ELFN2: variants seen among roughly 807,000 people sequenced by gnomAD.
ELFN2 encodes the protein protein phosphatase 1 regulatory subunit 29.
ELFN2 carries 17 observed loss-of-function variants against 45.5 expected under a neutral mutation model. That is an observed-to-expected ratio of 0.37 (90% CI 0.26 to 0.56). ELFN2 has a LOEUF of 0.56. Among genes scored for constraint, ELFN2 ranks in the 20% least tolerant of loss-of-function variants. The pLI, the probability that ELFN2 is intolerant of heterozygous loss-of-function variation, is 0.77. For missense variants in ELFN2, 922 were observed against 1,183.2 expected (o/e 0.78, Z 3.24); for synonymous variants, 550 against 551.5 (o/e 1.00, Z 0.04).
intron 2 of ELFN2, among the ~76,000 whole-genome samples, chr22:37,382,269 C>T (rs910821307): frequency 6.7e-6 from 1 of 149,706 alleles, no homozygotes; most frequent in African/African-American, 2.5e-5. Flanking sequence ...GGGCTCTCAG[C>T]GCCCACCTAA....
intron 2 of ELFN2, among the ~76,000 whole-genome samples, chr22:37,408,702 C>G (rs745639340): frequency 2.3e-4 from 35 of 152,194 alleles, no homozygotes; most frequent in Non-Finnish European, 4.4e-4. Flanking sequence ...GCAAGGCAGT[C>G]AGGTTCAGAT....
chr22:37,360,749 G>A (rs1931065137), intron 1 of ELFN2, among the ~76,000 whole-genome samples: 1 of 152,200 alleles, frequency 6.6e-6, no homozygotes, highest in Non-Finnish European at 1.5e-5. Context: ...AATGGGAGCT[G>A]CAGAAACTGA....
intron 2 of ELFN2, among the ~76,000 whole-genome samples, chr22:37,406,297 G>A (rs984466821): frequency 6.6e-6 from 1 of 152,234 alleles, no homozygotes; most frequent in Admixed American, 6.5e-5. Flanking sequence ...TACGATCGGT[G>A]ATTGGATATG....
At chr22:37,418,636 C>T (rs1477444276) in intron 1 of ELFN2, among the ~76,000 whole-genome samples, 1 of 151,700 alleles carries the variant, frequency 6.6e-6, no homozygotes, top group Non-Finnish European at 1.5e-5. Context: ...GGCCAACTAC[C>T]CTCCTCTCCT....
intron 2 of ELFN2, among the ~76,000 whole-genome samples, chr22:37,341,290 G>T (rs1930554263): frequency 1.3e-5 from 2 of 152,152 alleles, no homozygotes; most frequent in Non-Finnish European, 2.9e-5. Flanking sequence ...CCACTTTACT[G>T]CTGTCCCCTC....
chr22:37,380,196 G>A (rs1052796948), intron 2 of ELFN2, among the ~76,000 whole-genome samples: 11 of 152,202 alleles, frequency 7.2e-5, no homozygotes, highest in African/African-American at 2.4e-4. Flanking sequence ...GGGTTGAGGG[G>A]GGTTGGGCTA....
rs75898885 is a variant in ELFN2 at position 37,392,135 on chromosome 22, C to G, written c.-462-16139G>C. The stretch of plus-strand genomic sequence containing the variant: ...CATCTTAAGGGAATTTAACTGCTAC[C>G]GTTAGACTTTCCTTGGCCCTCCTCA... On this transcript the variant is annotated intron_variant, in intron 2 of 2. Coordinates refer to ENST00000402918, the MANE Select transcript of ELFN2 (RefSeq NM_052906.5). 3.9e-3 allele frequency among the ~76,000 whole-genome samples: 596 copies of G among 152,306 alleles called. 3 individuals are homozygous for G. Among genetic ancestry groups the G allele is most frequent in the African/African-American group, 0.014 (563 of 41,568 alleles).
intron 2 of ELFN2, among the ~76,000 whole-genome samples, chr22:37,408,447 C>A (rs1419308104): frequency 6.6e-6 from 1 of 152,238 alleles, no homozygotes; most frequent in African/African-American, 2.4e-5. Context: ...TCACAACAGC[C>A]CTGCCAAGGA....
intron 1 of ELFN2, among the ~76,000 whole-genome samples, chr22:37,350,194 G>C (rs745471745): frequency 1.3e-5 from 2 of 150,940 alleles, no homozygotes; most frequent in African/African-American, 4.8e-5. Flanking sequence ...ATGCAACGGC[G>C]AAACCCCCAT....
chr22:37,346,186 G>A (rs536232961), intron 1 of ELFN2, among the ~76,000 whole-genome samples: 1 of 152,348 alleles, frequency 6.6e-6, no homozygotes, highest in African/African-American at 2.4e-5. Flanking sequence ...TCACGCCTGG[G>A]TTTATAGTTG....
rs548497788 is a variant in ELFN2, at chr22:37,405,151, G to A, written c.-463+12618C>T. On this transcript the variant is annotated intron_variant, in intron 2 of 2. Coordinates refer to ENST00000402918, the MANE Select transcript of ELFN2 (RefSeq NM_052906.5). ...GCTCTTGCCCAGGCTGGAGTGCAAT[G>A]GCGTGATCTCGGCTTACTGCAACCT... Among the ~76,000 whole-genome samples the A allele has an allele frequency of 7.6e-5, 11 of 144,606 alleles. No individual in the cohort carries two copies. The East Asian group carries it at 2.3e-3, about 30-fold the overall frequency. The allele number at this position is 144,606 out of a possible 152,430, so 94.9% of individuals were successfully genotyped here.
chr22:37,360,657 G>A (rs1931063193), intron 1 of ELFN2, among the ~76,000 whole-genome samples: 1 of 152,194 alleles, frequency 6.6e-6, no homozygotes, highest in Non-Finnish European at 1.5e-5. Flanking sequence ...GGAGTCAGTG[G>A]GGAGACTTCC....
chr22:37,365,774 C>T (rs1027254466), downstream of ELFN2, among the ~76,000 whole-genome samples: 2 of 152,328 alleles, frequency 1.3e-5, no homozygotes, highest in Middle Eastern at 3.4e-3. Flanking sequence ...CCAACATTAT[C>T]CACGAGGTAC....
rs1931030956 is a variant in ELFN2 at position 37,359,558 on chromosome 22, A to G, written n.149-16855T>C. Among the ~76,000 whole-genome samples, 3 of 152,230 alleles carry G rather than the reference A, an allele frequency of 2.0e-5. No homozygotes were observed. The South Asian group carries it at 6.2e-4, about 32-fold the overall frequency. On this transcript the variant is annotated intron_variant and non_coding_transcript_variant, in intron 1 of 2. Transcript: ENST00000452946. ...TTCTCGAGCGGCCCCTACCTGGGCC[A>G]GGCCACGGTATGAACGCTCCTCAGC...
At chr22:37,416,457 G>A (rs939180045) in intron 2 of ELFN2, among the ~76,000 whole-genome samples, 1 of 152,140 alleles carries the variant, frequency 6.6e-6, no homozygotes, top group Non-Finnish European at 1.5e-5. Flanking sequence ...CAAACATGAC[G>A]GATGGGGACA....
intron 2 of ELFN2, among the ~76,000 whole-genome samples, chr22:37,389,332 C>T (rs1331818653): frequency 1.3e-5 from 2 of 152,216 alleles, no homozygotes; most frequent in African/African-American, 4.8e-5. Flanking sequence ...CCTCTCTAAG[C>T]TCACACCCCA....
Position 37,374,666 on chromosome 22 carries a change from G to T in ELFN2, c.869C>A (p.Thr290Asn). 6.2e-7 allele frequency: 1 copy of T among 1,612,804 alleles called. No homozygotes were observed. The highest frequency in any genetic ancestry group is 8.5e-7 in the Non-Finnish European group (1 of 1,178,892). Reference sequence around the variant, plus strand: ...GGCTGGCCCTGCCGACGCATCCGTGGTGGACGAGGCCGGCGGCTCCACCGA... The same window carrying T: ...GGCTGGCCCTGCCGACGCATCCGTGTTGGACGAGGCCGGCGGCTCCACCGA... ...ILSVEPPASS[T>N]TDASAGPAIK... Residue 290 changes from threonine to asparagine, a missense_variant, in exon 3 of 3, where the codon ACC (threonine) becomes AAC (asparagine). By Grantham distance (65) the Thr-to-Asn change is moderately conservative. This residue lies in a region of ELFN2 where 358 missense variants were observed against 540.4 expected (regional missense o/e 0.66). Coordinates refer to ENST00000402918, the MANE Select transcript of ELFN2 (RefSeq NM_052906.5).
chr22:37,373,043 T>A lies in ELFN2; in HGVS notation c.*29A>T. On this transcript the variant is annotated 3_prime_UTR_variant, in exon 3 of 3. Transcript: ENST00000402918. ...CCCAAAAGGCCCCCAGCCCTCTGGC[T>A]CCGACCTCACCAGGGAGGAAGGGGG... The A allele has an allele frequency of 6.4e-7, 1 of 1,560,690 alleles. No individual in the cohort carries two copies. The highest frequency in any genetic ancestry group is 8.7e-7 in the Non-Finnish European group (1 of 1,149,960).
At position 37,348,059 on chromosome 22, in the gene ELFN2, G is replaced by A. The variant is rs1456675368; in HGVS notation, n.149-5356C>T. The stretch of plus-strand genomic sequence containing the variant: ...CTTAGGTCTTGGGTCTCTGCCTTGG[G>A]GCTCTAAGCCTTCTCCTCTTCTGGC... On this transcript the variant is annotated intron_variant and non_coding_transcript_variant, in intron 1 of 2. Transcript: ENST00000452946. Among the ~76,000 whole-genome samples the A allele has an allele frequency of 3.3e-5, 5 of 152,316 alleles. No homozygotes were observed. In the East Asian group the frequency reaches 9.7e-4, roughly 29 times the overall value.
Sources: gnomAD v4.1 joint callset for allele counts (sites outside exome capture counted in the v4.1 genomes callset) on GRCh38, gnomAD v4.1.1 for gene constraint, gnomAD v4.1.1 regional missense constraint, MANE v1.5 for transcripts, NCBI Gene and HGNC (gene_info 2026-07-23, HGNC 2026-07-21) for gene names.